The following ZNF644 variants were observed in gnomAD, a reference collection of about 807,000 sequenced individuals.
The protein encoded by ZNF644 is zinc finger protein 644.
In ZNF644, 20 loss-of-function variants were observed where a neutral mutation model predicts 108.0. That is an observed-to-expected ratio of 0.19 (90% CI 0.13 to 0.27). The LOEUF is 0.27. Ranked by LOEUF, ZNF644 falls within the 10% of genes least tolerant of loss-of-function variation. ZNF644 has a pLI of 1.00. For missense variants in ZNF644, 1,338 were observed against 1,548.9 expected (o/e 0.86, Z 2.29); for synonymous variants, 542 against 539.1 (o/e 1.01, Z -0.08).
At chr1:90,927,447 A>C (rs1286800377) in intron 4 of ZNF644, among the ~76,000 whole-genome samples, 1 of 152,172 alleles carries the variant, frequency 6.6e-6, no homozygotes, top group Non-Finnish European at 1.5e-5. Context: ...GGTTACCCAA[A>C]ATACTCGATT....
chr1:90,982,410 G>A (rs978496795), intron 1 of ZNF644, 40 bp from the exon 2 acceptor site: 12 of 1,474,876 alleles, frequency 8.1e-6, no homozygotes, highest in African/African-American at 6.9e-5. Context: ...TTAATTTTTT[G>A]TTTCAGGCAT....
At chr1:90,960,939 G>A (rs556796455) in intron 2 of ZNF644, among the ~76,000 whole-genome samples, 105 of 152,202 alleles carry the variant, frequency 6.9e-4, no homozygotes, top group African/African-American at 2.3e-3. Context: ...TCATCCAAAA[G>A]TGAGGGTGAA....
At chr1:91,007,456 C>T (rs981072573) in intron 1 of ZNF644, among the ~76,000 whole-genome samples, 4 of 151,782 alleles carry the variant, frequency 2.6e-5, no homozygotes, top group African/African-American at 7.3e-5. Flanking sequence ...TCAGGTGATC[C>T]GCCCACCTCG....
chr1:90,971,486 T>G (rs1462318022), intron 2 of ZNF644, among the ~76,000 whole-genome samples: 1 of 152,106 alleles, frequency 6.6e-6, no homozygotes, highest in Non-Finnish European at 1.5e-5. Context: ...AATGGCGTGA[T>G]CTCGGCTCAC....
intron 1 of ZNF644, among the ~76,000 whole-genome samples, chr1:90,991,238 C>T (rs1337342670): frequency 6.6e-6 from 1 of 152,202 alleles, no homozygotes; most frequent in East Asian, 1.9e-4. Context: ...GTTATCACTA[C>T]ACAGCTATAA....
At chr1:90,943,938 C>T (rs1163827227) in intron 2 of ZNF644, among the ~76,000 whole-genome samples, 1 of 152,192 alleles carries the variant, frequency 6.6e-6, no homozygotes, top group Non-Finnish European at 1.5e-5. Flanking sequence ...AAACGAACGA[C>T]AAAAAACTAG....
At chr1:90,918,322 C>T (rs1570320650) in intron 4 of ZNF644, 168 bp from the exon 5 acceptor site, 2 of 659,942 alleles carry the variant, frequency 3.0e-6, no homozygotes, top group East Asian at 5.5e-5. Flanking sequence ...TCTGTAATAG[C>T]AGTAATATTA....
intron 2 of ZNF644, among the ~76,000 whole-genome samples, chr1:90,974,264 G>C (rs534704760): frequency 6.6e-6 from 1 of 152,148 alleles, no homozygotes; most frequent in Admixed American, 6.5e-5. Flanking sequence ...GGGAGGCAGA[G>C]ATTGCAGTGG....
In ZNF644 at chr1:91,003,421, T is replaced by C. The variant is rs1314886528; in HGVS notation, c.-18+18569A>G. Reference sequence around the variant, plus strand: ...CTGGAAACCATCATTCTCAGCAAACTATTGCAAGGACAAAAAACCAAACAC... The same window carrying C: ...CTGGAAACCATCATTCTCAGCAAACCATTGCAAGGACAAAAAACCAAACAC... On this transcript the variant is annotated intron_variant, in intron 1 of 5. Coordinates refer to ENST00000337393, the MANE Select transcript of ZNF644 (RefSeq NM_201269.3). 2.6e-5 allele frequency among the ~76,000 whole-genome samples: 4 copies of C among 152,068 alleles called. No homozygotes were observed. In the East Asian group the frequency reaches 7.7e-4, roughly 29 times the overall value.
intron 1 of ZNF644, among the ~76,000 whole-genome samples, chr1:90,992,006 T>A (rs1178534425): frequency 1.3e-5 from 2 of 151,668 alleles, no homozygotes; most frequent in Non-Finnish European, 2.9e-5. Context: ...CATGAATGAA[T>A]CTCAAAAAAA....
At position 90,916,431 on chromosome 1, in the gene ZNF644, TGTG is replaced by T; in HGVS notation, c.*364_*366del. The T allele has an allele frequency of 4.7e-6, 1 of 212,698 alleles. No individual in the cohort carries two copies. The highest frequency in any genetic ancestry group is 9.5e-6 in the Non-Finnish European group (1 of 105,008). The allele number at this position is 212,698 out of a possible 1,614,324, so 13.2% of individuals were successfully genotyped here. A position where few individuals can be genotyped will look rare whatever the true frequency, so the allele number is the denominator to read the frequency against. On this transcript the variant is annotated 3_prime_UTR_variant, in exon 6 of 6. Coordinates refer to ENST00000337393, the MANE Select transcript of ZNF644 (RefSeq NM_201269.3). ...ATATCTTATTTTTCTATGCAAGTCT[TGTG>T]GGGAATAAACAGAGCCTTGATTCTG... is the stretch of plus-strand genomic sequence containing the variant.
chr1:91,016,373 C>T (rs1270949739), intron 1 of ZNF644, among the ~76,000 whole-genome samples: 1 of 152,152 alleles, frequency 6.6e-6, no homozygotes, highest in Non-Finnish European at 1.5e-5. Context: ...TCAAACAAAC[C>T]TAGATGGTAG....
intron 2 of ZNF644, among the ~76,000 whole-genome samples, chr1:90,975,709 G>A (rs1655939495): frequency 1.3e-5 from 2 of 152,160 alleles, no homozygotes; most frequent in African/African-American, 2.4e-5. Flanking sequence ...CTCCCAAAGT[G>A]CTGGGATTAC....
chr1:90,997,153 A>T (rs1217629042), intron 1 of ZNF644, among the ~76,000 whole-genome samples: 2 of 152,208 alleles, frequency 1.3e-5, no homozygotes, highest in African/African-American at 4.8e-5. Context: ...AGAGAGCCAC[A>T]TGTACAGAAA....
At chr1:90,917,651 C>T (rs1016231448) in intron 5 of ZNF644, among the ~76,000 whole-genome samples, 1 of 152,260 alleles carries the variant, frequency 6.6e-6, no homozygotes, top group East Asian at 1.9e-4. Flanking sequence ...GCACCCGCTA[C>T]AAAGCCTGGC....
chr1:90,943,759 A>C (rs996626570), intron 2 of ZNF644, among the ~76,000 whole-genome samples: 2 of 152,150 alleles, frequency 1.3e-5, no homozygotes, highest in Non-Finnish European at 2.9e-5. Context: ...CATCACATAC[A>C]CAGAAGTTAA....
At chr1:90,933,147 G>C (rs543397067) in intron 4 of ZNF644, among the ~76,000 whole-genome samples, 5 of 152,180 alleles carry the variant, frequency 3.3e-5, no homozygotes, top group Middle Eastern at 3.4e-3. Flanking sequence ...CCTGTGTTTT[G>C]CAGAATTTTC....
rs674282 is a variant in ZNF644, at chr1:90,992,638, T to C, written c.-17-10268A>G. ...TGAAATATGAGTTCAGAATTAAACATTGAAAATTAATCTAATTTTACCAAC... is the reference window on the plus strand; with the variant it reads ...TGAAATATGAGTTCAGAATTAAACACTGAAAATTAATCTAATTTTACCAAC... On this transcript the variant is annotated intron_variant, in intron 1 of 5. Transcript: ENST00000337393. Among the ~76,000 whole-genome samples the C allele has an allele frequency of 1.6e-3, 238 of 152,324 alleles. 4 individuals carry two copies. Among genetic ancestry groups the C allele is most frequent in the Middle Eastern group, 0.01 (3 of 294 alleles).
At chr1:90,965,372 A>C (rs1654753461) in intron 2 of ZNF644, among the ~76,000 whole-genome samples, 1 of 151,926 alleles carries the variant, frequency 6.6e-6, no homozygotes, top group South Asian at 2.1e-4. Context: ...TCGGTATCCA[A>C]ATTTCTCCTT....
Sources: gnomAD v4.1 joint callset for allele counts (sites outside exome capture counted in the v4.1 genomes callset) on GRCh38, gnomAD v4.1.1 for gene constraint, MANE v1.5 for transcripts, NCBI Gene and HGNC (gene_info 2026-07-23, HGNC 2026-07-21) for gene names.